The following CHRM3 variants were observed in gnomAD, a reference collection of about 807,000 sequenced individuals.
CHRM3 encodes the protein cholinergic receptor muscarinic 3, also known as muscarinic acetylcholine receptor M3.
CHRM3 carries 11 observed loss-of-function variants against 41.8 expected under a neutral mutation model. That is an observed-to-expected ratio of 0.26 (90% CI 0.17 to 0.44). The LOEUF (loss-of-function observed/expected upper bound fraction) is 0.44. Among genes scored for constraint, CHRM3 ranks in the 20% least tolerant of loss-of-function variants. The probability of loss-of-function intolerance (pLI) is 1.00; values close to 1 mark genes in which losing one functional copy is unlikely to be tolerated. For missense variants in CHRM3, 571 were observed against 745.4 expected (o/e 0.77, Z 2.72); for synonymous variants, 297 against 301.4 (o/e 0.99, Z 0.15).
At chr1:239,828,686 A>G (rs1672660821) in intron 6 of CHRM3, among the ~76,000 whole-genome samples, 1 of 151,972 alleles carries the variant, frequency 6.6e-6, no homozygotes, top group Non-Finnish European at 1.5e-5. Context: ...GGGCAAGGGG[A>G]GAGGGGTATG....
intron 2 of CHRM3, among the ~76,000 whole-genome samples, chr1:239,532,839 C>A (rs1038862311): frequency 6.6e-6 from 1 of 152,118 alleles, no homozygotes; most frequent in Non-Finnish European, 1.5e-5. Context: ...AATGAGAACA[C>A]AAAAGATTAA....
At chr1:239,829,892 AG>A (rs1476566687) in intron 6 of CHRM3, among the ~76,000 whole-genome samples, 2 of 152,226 alleles carry the variant, frequency 1.3e-5, no homozygotes, top group African/African-American at 4.8e-5. Flanking sequence ...CCTGACACAT[AG>A]AAACACCAAA....
rs748882735 is a variant in CHRM3, at chr1:239,497,923, G to A, written c.-422+5116G>A. ...GCATATGAACCAGGGCACCTGGGCA[G>A]CAAGAGAACAATTATGAAACCTGAG... On this transcript the variant is annotated intron_variant, in intron 2 of 6. Transcript: ENST00000676153. Among the ~76,000 whole-genome samples, 69 of 152,204 alleles carry A rather than the reference G, an allele frequency of 4.5e-4. 1 individual carries two copies. The highest frequency in any genetic ancestry group is 7.9e-4 in the Non-Finnish European group (54 of 68,040).
intron 6 of CHRM3, among the ~76,000 whole-genome samples, chr1:239,852,524 T>C (rs1674779961): frequency 6.6e-6 from 1 of 152,156 alleles, no homozygotes. Context: ...GGATTTTCAT[T>C]TGTAACAAAG....
At chr1:239,791,560 A>G (rs533251625) in intron 5 of CHRM3, among the ~76,000 whole-genome samples, 9 of 152,096 alleles carry the variant, frequency 5.9e-5, no homozygotes, top group South Asian at 2.1e-4. Context: ...CTGTTTTTCT[A>G]ATCAGTTTTA....
intron 6 of CHRM3, among the ~76,000 whole-genome samples, chr1:239,874,918 C>T (rs1014333784): frequency 1.3e-5 from 2 of 151,972 alleles, no homozygotes; most frequent in South Asian, 2.1e-4. Context: ...AGGCTGGTCT[C>T]GAACTCTCAG....
chr1:239,392,313 C>G (rs1336330397), intron 1 of CHRM3, among the ~76,000 whole-genome samples: 4 of 152,160 alleles, frequency 2.6e-5, no homozygotes, highest in Non-Finnish European at 5.9e-5. Flanking sequence ...GATCAAATCT[C>G]AGTTCTCCAC....
intron 2 of CHRM3, among the ~76,000 whole-genome samples, chr1:239,512,825 A>G (rs903439973): frequency 6.6e-6 from 1 of 151,326 alleles, no homozygotes; most frequent in Non-Finnish European, 1.5e-5. Flanking sequence ...AAAAAAAAAA[A>G]CTGTTAGAAT....
rs141539574 is a variant in CHRM3, at chr1:239,569,962, C to A, written c.-313+24213C>A. On this transcript the variant is annotated intron_variant, in intron 3 of 6. Coordinates refer to ENST00000676153, the MANE Select transcript of CHRM3 (RefSeq NM_001375978.1). ...GAAGATGATTCTCAAGTAGGCTACC[C>A]ATTCCCTTCTGAGGAAATCAAAAGG... Among the ~76,000 whole-genome samples, 35 of 152,270 alleles carry A rather than the reference C, an allele frequency of 2.3e-4. No homozygotes were observed. In the East Asian group the frequency reaches 6.4e-3, roughly 28 times the overall value.
chr1:239,558,550 AC>A (rs1660583955), intron 3 of CHRM3, among the ~76,000 whole-genome samples: 1 of 152,182 alleles, frequency 6.6e-6, no homozygotes, highest in Non-Finnish European at 1.5e-5. Flanking sequence ...CTTAACCTTG[AC>A]CATATAGAAC....
chr1:239,551,350 C>T (rs771357611), intron 3 of CHRM3, among the ~76,000 whole-genome samples: 8 of 151,154 alleles, frequency 5.3e-5, no homozygotes, highest in South Asian at 4.2e-4. Context: ...TTGGTAGAGA[C>T]GGGGTTTCTC....
intron 1 of CHRM3, among the ~76,000 whole-genome samples, chr1:239,450,207 A>T (rs1473783283): frequency 6.6e-6 from 1 of 152,180 alleles, no homozygotes; most frequent in Non-Finnish European, 1.5e-5. Context: ...AATATTATTG[A>T]TTGTAAATGA....
chr1:239,635,670 C>T (rs1367638168), intron 4 of CHRM3, among the ~76,000 whole-genome samples: 1 of 152,166 alleles, frequency 6.6e-6, no homozygotes, highest in African/African-American at 2.4e-5. Context: ...ACTTAAGGGA[C>T]TTAGGTAAGA....
chr1:239,797,247 GTA>G, intron 5 of CHRM3, among the ~76,000 whole-genome samples: 1 of 152,066 alleles, frequency 6.6e-6, no homozygotes, highest in East Asian at 1.9e-4. Flanking sequence ...TACCTACTGG[GTA>G]TATGTTCACT....
Position 239,439,065 on chromosome 1 carries a change from C to G in CHRM3, c.-521+51838C>G, listed in dbSNP as rs74559312. 5.6e-3 allele frequency among the ~76,000 whole-genome samples: 850 copies of G among 152,300 alleles called. 24 individuals carry two copies. In the East Asian group the frequency reaches 0.06, roughly 11 times the overall value. ...ATTTCTTAAATAGTTGCAGCAGCAT[C>G]TTCTCTTGGCATACTTAGTGTGAAA... On this transcript the variant is annotated intron_variant, in intron 1 of 6. Coordinates refer to ENST00000676153, the MANE Select transcript of CHRM3 (RefSeq NM_001375978.1).
intron 5 of CHRM3, among the ~76,000 whole-genome samples, chr1:239,817,337 C>A (rs1403795924): frequency 2.0e-5 from 3 of 152,156 alleles, no homozygotes; most frequent in East Asian, 1.9e-4. Context: ...ATCTATGTAA[C>A]CTTGACTCAT....
chr1:239,631,968 G>T (rs1040988268), intron 3 of CHRM3, among the ~76,000 whole-genome samples: 1 of 152,154 alleles, frequency 6.6e-6, no homozygotes, highest in Non-Finnish European at 1.5e-5. Flanking sequence ...AGGAGGTGAG[G>T]AGCTGTAGAA....
At position 239,907,620 on chromosome 1, in the gene CHRM3, G is replaced by C; in HGVS notation, c.169G>C (p.Asp57His). The C allele has an allele frequency of 6.2e-7, 1 of 1,614,138 alleles. No individual in the cohort carries two copies. The highest frequency in any genetic ancestry group is 8.5e-7 in the Non-Finnish European group (1 of 1,180,020). ...GNFSSPDGTT[D>H]DPLGGHTVWQ... is the part of the protein sequence containing the mutation. ...TTTCTCCTCTCCAGACGGTACCACCGATGACCCTCTGGGAGGTCATACCGT... is the reference window on the plus strand; with the variant it reads ...TTTCTCCTCTCCAGACGGTACCACCCATGACCCTCTGGGAGGTCATACCGT... The change falls in exon 7 of 7, where the codon GAT becomes CAT. Residue 57 changes from aspartate to histidine, a missense_variant. Transcript: ENST00000676153. The surrounding 1 kb of genome is among the most constrained non-coding windows in gnomAD (Gnocchi z 5.4).
At chr1:239,695,508 A>C (rs6695907) in intron 5 of CHRM3, among the ~76,000 whole-genome samples, 1,922 of 152,144 alleles carry the variant, frequency 0.013, 52 homozygotes, top group African/African-American at 0.044. Context: ...AATCTGGGAG[A>C]TCTTGAGGGG....
Sources: gnomAD v4.1 joint callset for allele counts (sites outside exome capture counted in the v4.1 genomes callset) on GRCh38, gnomAD v4.1.1 for gene constraint, Gnocchi (gnomAD v3.1) non-coding constraint, MANE v1.5 for transcripts, NCBI Gene and HGNC (gene_info 2026-07-23, HGNC 2026-07-21) for gene names.